Variants in SLCO4A1 observed in about 807,000 individuals in gnomAD.
The protein encoded by SLCO4A1 is colon organic anion transporter.
SLCO4A1 carries 51 observed loss-of-function variants against 64.6 expected under a neutral mutation model. That is an observed-to-expected ratio of 0.79 (90% CI 0.63 to 1.00). The LOEUF (loss-of-function observed/expected upper bound fraction) is 1.00, where lower values mean the gene tolerates loss of function less well. Ranked by LOEUF, SLCO4A1 falls within the 50% of genes least tolerant of loss-of-function variation. SLCO4A1 has a pLI of 0.00. For missense variants in SLCO4A1, 919 were observed against 980.5 expected (o/e 0.94, Z 0.84); for synonymous variants, 471 against 444.9 (o/e 1.06, Z -0.74).
downstream of SLCO4A1, among the ~76,000 whole-genome samples, chr20:62,674,265 C>T (rs924409582): frequency 4.6e-5 from 7 of 152,126 alleles, no homozygotes; most frequent in African/African-American, 1.4e-4. Context: ...CTGTCAGAGG[C>T]GTGTGGCACT....
At chr20:62,658,649 G>A (rs1010625186) in intron 2 of SLCO4A1, 28 bp from the exon 3 acceptor site, 16 of 1,584,976 alleles carry the variant, frequency 1.0e-5, no homozygotes, top group South Asian at 7.9e-5. Flanking sequence ...GGTGCACAGC[G>A]GCCCTGACGC....
rs1372279759 is a variant in SLCO4A1, at chr20:62,667,965, C to G, written c.1639-47C>G. 3 of 1,613,548 alleles carry G rather than the reference C, an allele frequency of 1.9e-6. No homozygotes were observed. The Admixed American group carries it at 5.0e-5, about 27-fold the overall frequency. On this transcript the variant is annotated intron_variant, in intron 8 of 11. Coordinates refer to ENST00000217159, the MANE Select transcript of SLCO4A1 (RefSeq NM_016354.4). Reference sequence around the variant, plus strand: ...TCCTCCCCTGGACCCTGGGAAGGGGCCCCCGTGCCTTCCCCTTGTAATCGG... The same window carrying G: ...TCCTCCCCTGGACCCTGGGAAGGGGGCCCCGTGCCTTCCCCTTGTAATCGG...
chr20:62,645,446 GTGAGGGTGCGGGTGAGGA>G lies in SLCO4A1; in HGVS notation c.-97+2912_-97+2929del, dbSNP rs1296734975. Among the ~76,000 whole-genome samples the G allele has an allele frequency of 6.7e-6, 1 of 149,500 alleles. No homozygotes were observed. The highest frequency in any genetic ancestry group is 1.5e-5 in the Non-Finnish European group (1 of 67,140). On this transcript the variant is annotated intron_variant, in intron 1 of 11. Coordinates refer to ENST00000217159, the MANE Select transcript of SLCO4A1 (RefSeq NM_016354.4). This position sits in a 1 kb window ranked among gnomAD's most constrained non-coding sequence, Gnocchi z 4.2. ...GCTGGCCCTTCAGGCTACGGTGAGG[GTGAGGGTGCGGGTGAGGA>G]TGAGGGTGCGGGTGAGGACCCACCC...
In SLCO4A1 at chr20:62,656,448, C is replaced by T. The variant is rs752188886; in HGVS notation, c.-7C>T. The stretch of plus-strand genomic sequence containing the variant: ...AAGCCTCGAGGTCACCAGGCGGAGG[C>T]GCGGAGATGCCCCTGCATCAGCTGG... On this transcript the variant is annotated 5_prime_UTR_variant, in exon 2 of 12. Transcript: ENST00000217159. 3.3e-5 allele frequency: 49 copies of T among 1,467,408 alleles called. No individual in the cohort carries two copies. Among genetic ancestry groups the T allele is most frequent in the Admixed American group, 1.4e-4 (6 of 42,384 alleles). The allele number at this position is 1,467,408 out of a possible 1,614,324, so 90.9% of individuals were successfully genotyped here.
chr20:62,656,429 C>G lies in SLCO4A1; in HGVS notation c.-26C>G. On this transcript the variant is annotated 5_prime_UTR_variant, in exon 2 of 12. Coordinates refer to ENST00000217159, the MANE Select transcript of SLCO4A1 (RefSeq NM_016354.4). ...CACTCCCACTGCGTGGCTGAAGCCT[C>G]GAGGTCACCAGGCGGAGGCGCGGAG... The G allele has an allele frequency of 1.4e-6, 2 of 1,453,744 alleles. No individual in the cohort carries two copies. The highest frequency in any genetic ancestry group is 1.8e-6 in the Non-Finnish European group (2 of 1,103,008). The allele number at this position is 1,453,744 out of a possible 1,614,324, so 90.1% of individuals were successfully genotyped here. A position where few individuals can be genotyped will look rare whatever the true frequency, so the allele number is the denominator to read the frequency against.
chr20:62,677,095 C>T (rs1051546165), downstream of SLCO4A1, among the ~76,000 whole-genome samples: 2 of 152,264 alleles, frequency 1.3e-5, no homozygotes, highest in African/African-American at 4.8e-5. Flanking sequence ...ATGGACAAAT[C>T]TGTAGAGACA....
chr20:62,642,717 C>CG (rs899387547), intron 1 of SLCO4A1, among the ~76,000 whole-genome samples, 164 bp downstream of exon 1: 2 of 152,008 alleles, frequency 1.3e-5, no homozygotes, highest in African/African-American at 4.8e-5. Flanking sequence ...AGCCTCTCCG[C>CG]GGGGGAGGGC....
At chr20:62,650,219 A>G (rs1982211380) in intron 1 of SLCO4A1, 1 of 152,242 alleles carries the variant, frequency 6.6e-6, no homozygotes, top group Non-Finnish European at 1.5e-5. Flanking sequence ...AAGAAACTAT[A>G]GGCAGGTGTG....
At chr20:62,649,652 T>G (rs1351473987) in intron 1 of SLCO4A1, 1 of 152,318 alleles carries the variant, frequency 6.6e-6, no homozygotes, top group Non-Finnish European at 1.5e-5. Flanking sequence ...GCCGCTGGCC[T>G]GTCCTTCACA....
In SLCO4A1 at chr20:62,661,796, C is replaced by G. The variant is rs1201872281; in HGVS notation, c.1121+621C>G. Among the ~76,000 whole-genome samples the G allele has an allele frequency of 6.6e-6, 1 of 151,798 alleles. No individual in the cohort carries two copies. Among genetic ancestry groups the G allele is most frequent in the Non-Finnish European group, 1.5e-5 (1 of 67,926 alleles). On this transcript the variant is annotated intron_variant, in intron 5 of 11. Transcript: ENST00000217159. The surrounding 1 kb of genome is among the most constrained non-coding windows in gnomAD (Gnocchi z 5.2). ...TCCCTTTCTGCTGAGTGTGGTCCGGCCTTGCTTTGCTGTCTTGCTGCACTG... is the reference window on the plus strand; with the variant it reads ...TCCCTTTCTGCTGAGTGTGGTCCGGGCTTGCTTTGCTGTCTTGCTGCACTG...
Position 62,667,514 on chromosome 20 carries a change from G to A in SLCO4A1, c.1473-231G>A, listed in dbSNP as rs981966801. ...AGGGGCTGTGCATCAGGCGGACGGT[G>A]CTGGGGGGCATGGGTGTGCCTTCCT... On this transcript the variant is annotated intron_variant, in intron 7 of 11. Coordinates refer to ENST00000217159, the MANE Select transcript of SLCO4A1 (RefSeq NM_016354.4). 2.6e-5 allele frequency: 15 copies of A among 577,920 alleles called. No homozygotes were observed. The South Asian group carries it at 3.4e-4, about 13-fold the overall frequency. The allele number at this position is 577,920 out of a possible 1,614,324, so 35.8% of individuals were successfully genotyped here.
intron 3 of SLCO4A1, 103 bp downstream of exon 3, chr20:62,658,870 C>T (rs1376446023): frequency 1.3e-5 from 13 of 1,028,142 alleles, no homozygotes; most frequent in East Asian, 2.6e-5. Flanking sequence ...CCGGGCGCGG[C>T]GCAGGTGCTG....
At chr20:62,652,400 G>A (rs1473985418) in intron 1 of SLCO4A1, among the ~76,000 whole-genome samples, 1 of 152,142 alleles carries the variant, frequency 6.6e-6, no homozygotes, top group Non-Finnish European at 1.5e-5. Flanking sequence ...CTCTGAGGTT[G>A]CTTTCTGTTT....
chr20:62,686,652 AAAG>A (rs1209346067), downstream of SLCO4A1, among the ~76,000 whole-genome samples: 1 of 152,230 alleles, frequency 6.6e-6, no homozygotes, highest in African/African-American at 2.4e-5. Flanking sequence ...TATAAGGTGA[AAAG>A]AAAAGGAGAG....
At position 62,667,737 on chromosome 20, in the gene SLCO4A1, C is replaced by A. The variant is rs760784939; in HGVS notation, c.1473-8C>A. ...GGACCCTACCACTCGCTTGTCCCCC[C>A]TCTGCAGCCTCCTGCCCGAAGGCCA... On this transcript the variant is annotated splice_polypyrimidine_tract_variant and splice_region_variant and intron_variant, in intron 7 of 11. Transcript: ENST00000217159. The A allele has an allele frequency of 2.5e-6, 4 of 1,604,328 alleles. No homozygotes were observed. In the African/African-American group the frequency reaches 5.3e-5, roughly 21 times the overall value.
In SLCO4A1 at chr20:62,661,022, A is replaced by T; in HGVS notation, c.1010-42A>T. Reference sequence around the variant, plus strand: ...TCTCTCGGAGAAGTCCACCTCCGGGAGCCCCCAGCCCCCAGCCCCAGCTCA... The same window carrying T: ...TCTCTCGGAGAAGTCCACCTCCGGGTGCCCCCAGCCCCCAGCCCCAGCTCA... On this transcript the variant is annotated intron_variant, in intron 4 of 11. Transcript: ENST00000217159. This position sits in a 1 kb window ranked among gnomAD's most constrained non-coding sequence, Gnocchi z 5.2. 1 of 581,076 alleles carries T rather than the reference A, an allele frequency of 1.7e-6. No homozygotes were observed. Among genetic ancestry groups the T allele is most frequent in the Non-Finnish European group, 3.1e-6 (1 of 326,850 alleles). 36.0% of individuals were successfully genotyped at this position (581,076 alleles called of 1,614,324 possible).
At chr20:62,662,782 C>G (rs1231343778) in intron 5 of SLCO4A1, among the ~76,000 whole-genome samples, 13 of 142,564 alleles carry the variant, frequency 9.1e-5, no homozygotes, top group African/African-American at 2.8e-4. Flanking sequence ...GGTGCCCACT[C>G]CAGCCCCGTC....
intron 2 of SLCO4A1, among the ~76,000 whole-genome samples, chr20:62,678,809 A>G (rs1987703769): frequency 6.6e-6 from 1 of 152,182 alleles, no homozygotes; most frequent in South Asian, 2.1e-4. Flanking sequence ...CAGACCCCAG[A>G]GGTTAGTAGT....
Position 62,660,624 on chromosome 20 carries a change from T to C in SLCO4A1, c.1009+91T>C, listed in dbSNP as rs1017933158. ...GCACCCCGTTTCCTCTGCTGTCTTT[T>C]TCCCCGCCATGATCAAGTCTGCGGC... On this transcript the variant is annotated intron_variant, in intron 4 of 11. Transcript: ENST00000217159. 15 of 1,429,222 alleles carry C rather than the reference T, an allele frequency of 1.0e-5. No individual in the cohort carries two copies. The South Asian group carries it at 1.1e-4, about 10-fold the overall frequency. The allele number at this position is 1,429,222 out of a possible 1,614,324, so 88.5% of individuals were successfully genotyped here. A position where few individuals can be genotyped will look rare whatever the true frequency, so the allele number is the denominator to read the frequency against.
Sources: allele counts gnomAD v4.1 joint callset (sites outside exome capture counted in the v4.1 genomes callset), GRCh38; gene constraint gnomAD v4.1.1; non-coding constraint Gnocchi (gnomAD v3.1); transcripts MANE v1.5; gene names NCBI Gene and HGNC (gene_info 2026-07-23, HGNC 2026-07-21).